Variants in SEMA6A observed in about 807,000 individuals in gnomAD.
SEMA6A encodes semaphorin 6A.
A neutral mutation model predicts 96.8 loss-of-function variants in SEMA6A; 25 were observed. The observed-to-expected ratio is 0.26, with a 90% CI of 0.19 to 0.36. SEMA6A has a LOEUF of 0.36. Among genes scored for constraint, SEMA6A ranks in the 10% least tolerant of loss-of-function variants. The pLI, the probability that SEMA6A is intolerant of heterozygous loss-of-function variation, is 1.00. For synonymous variants in SEMA6A, 612 were observed against 518.0 expected (o/e 1.18, Z -2.46); for missense variants, 1,363 against 1,323.1 (o/e 1.03, Z -0.47).
chr5:116,449,564 G>T, intron 18 of SEMA6A: 1 of 535,392 alleles, frequency 1.9e-6, no homozygotes, highest in South Asian at 2.5e-5. Flanking sequence ...TTTCTGAAGT[G>T]ATGGTTTTAA....
chr5:116,523,494 T>C (rs995341571), intron 1 of SEMA6A, among the ~76,000 whole-genome samples: 1 of 152,128 alleles, frequency 6.6e-6, no homozygotes, highest in Non-Finnish European at 1.5e-5. Context: ...GTATTTTTTG[T>C]AGAGACGGGA....
chr5:116,487,095 C>CAAAA, intron 9 of SEMA6A, 129 bp from the exon 10 acceptor site: 2 of 445,652 alleles, frequency 4.5e-6, no homozygotes, highest in Non-Finnish European at 7.9e-6. Flanking sequence ...AAATCAGTAA[C>CAAAA]AAAAAAAAAA....
In SEMA6A at chr5:116,447,287, C is replaced by A; in HGVS notation, c.2419G>T (p.Ala807Ser). ...PVIPTDLPLR[A>S]SPSHIPSVVV... ...ACGCTGGGGATGTGGCTGGGGGAGG[C>A]CCGCAGGGGCAGGTCCGTGGGAATC... The change falls in exon 19 of 19, where the codon GCC becomes TCC. Residue 807 changes from alanine to serine, a missense_variant. Around this residue, in one of 2 missense-constraint regions of SEMA6A, gnomAD observed 883 missense variants for 763.6 expected, o/e 1.16. Coordinates refer to ENST00000343348, the MANE Select transcript of SEMA6A (RefSeq NM_020796.5). The A allele has an allele frequency of 1.9e-6, 3 of 1,613,746 alleles. No homozygotes were observed. The highest frequency in any genetic ancestry group is 2.5e-6 in the Non-Finnish European group (3 of 1,179,896).
At chr5:116,481,046 C>A (rs1200696945) in intron 11 of SEMA6A, among the ~76,000 whole-genome samples, 1 of 152,118 alleles carries the variant, frequency 6.6e-6, no homozygotes, top group African/African-American at 2.4e-5. Flanking sequence ...TGGACCCTCA[C>A]GACACCAGCA....
intron 18 of SEMA6A, among the ~76,000 whole-genome samples, chr5:116,459,613 G>A (rs1755245173): frequency 6.6e-6 from 1 of 152,064 alleles, no homozygotes; most frequent in Non-Finnish European, 1.5e-5. Context: ...ACTTTATTCA[G>A]CTTGGAATGC....
At chr5:116,525,367 G>C (rs1489785793) in intron 1 of SEMA6A, among the ~76,000 whole-genome samples, 2 of 152,102 alleles carry the variant, frequency 1.3e-5, no homozygotes, top group African/African-American at 4.8e-5. Flanking sequence ...AGGATAAAGA[G>C]CTCCTGGCCC....
intron 1 of SEMA6A, among the ~76,000 whole-genome samples, chr5:116,569,047 G>T (rs1174956099): frequency 6.6e-6 from 1 of 152,234 alleles, no homozygotes; most frequent in African/African-American, 2.4e-5. Context: ...AGGTGCCAGA[G>T]TGAATAAAGC....
chr5:116,481,956 A>T (rs1238166167), intron 11 of SEMA6A, among the ~76,000 whole-genome samples: 3 of 152,080 alleles, frequency 2.0e-5, no homozygotes, highest in Non-Finnish European at 4.4e-5. Flanking sequence ...TACCCGCTGG[A>T]TTCTTCTCAC....
chr5:116,548,228 T>C (rs1451774511), intron 1 of SEMA6A, among the ~76,000 whole-genome samples: 2 of 152,228 alleles, frequency 1.3e-5, no homozygotes, highest in African/African-American at 4.8e-5. Context: ...TTAGTTCTTG[T>C]TTCCAGGGAA....
chr5:116,473,173 AAC>A, intron 16 of SEMA6A, 80 bp from the exon 17 acceptor site: 1 of 1,379,764 alleles, frequency 7.2e-7, no homozygotes, highest in South Asian at 1.3e-5. Flanking sequence ...GGAATGAGCT[AAC>A]ACAGAACTAT....
At chr5:116,534,834 A>T (rs1366116132) in intron 1 of SEMA6A, among the ~76,000 whole-genome samples, 1 of 152,210 alleles carries the variant, frequency 6.6e-6, no homozygotes, top group Admixed American at 6.6e-5. Flanking sequence ...TGAATGAATG[A>T]ACAGATGAAG....
At chr5:116,492,146 CTG>C (rs1262006349) in intron 6 of SEMA6A, among the ~76,000 whole-genome samples, 2 of 152,080 alleles carry the variant, frequency 1.3e-5, no homozygotes, top group African/African-American at 4.8e-5. Context: ...CTGACAGACT[CTG>C]TGGTCTGTGG....
intron 2 of SEMA6A, chr5:116,502,794 G>C (rs573330993): frequency 1.3e-5 from 2 of 156,106 alleles, no homozygotes; most frequent in East Asian, 1.9e-4. Context: ...CCTTGTCCAG[G>C]AGCCAGAAGA....
intron 18 of SEMA6A, among the ~76,000 whole-genome samples, chr5:116,459,511 C>T (rs1285100025): frequency 6.6e-6 from 1 of 152,076 alleles, no homozygotes; most frequent in Admixed American, 6.5e-5. Flanking sequence ...TCTCATTTCC[C>T]ATTCTAGTCG....
intron 18 of SEMA6A, among the ~76,000 whole-genome samples, chr5:116,464,101 G>A (rs1755579216): frequency 6.6e-6 from 1 of 152,200 alleles, no homozygotes; most frequent in South Asian, 2.1e-4. Context: ...GAATAAGCCA[G>A]ATCTAAAAAT....
At chr5:116,527,195 T>A (rs1210362261) in intron 1 of SEMA6A, among the ~76,000 whole-genome samples, 1 of 152,100 alleles carries the variant, frequency 6.6e-6, no homozygotes, top group Non-Finnish European at 1.5e-5. Context: ...AAAATATCAA[T>A]TCAAACACAA....
chr5:116,519,197 T>A (rs914994227), intron 1 of SEMA6A, among the ~76,000 whole-genome samples: 1 of 152,132 alleles, frequency 6.6e-6, no homozygotes, highest in Non-Finnish European at 1.5e-5. Flanking sequence ...GGAACACTGC[T>A]CCACTATTTG....
At chr5:116,518,607 GAC>G (rs1405239166) in intron 1 of SEMA6A, among the ~76,000 whole-genome samples, 5 of 152,226 alleles carry the variant, frequency 3.3e-5, no homozygotes, top group Non-Finnish European at 5.9e-5. Flanking sequence ...GTGAGTGTGA[GAC>G]ACACACCCAG....
At chr5:116,564,808 T>G (rs1760963152) in intron 1 of SEMA6A, among the ~76,000 whole-genome samples, 1 of 152,334 alleles carries the variant, frequency 6.6e-6, no homozygotes, top group South Asian at 2.1e-4. Context: ...CCAAAATGTA[T>G]GAGCCTTTTG....
Sources: gnomAD v4.1 joint callset for allele counts (sites outside exome capture counted in the v4.1 genomes callset) on GRCh38, gnomAD v4.1.1 for gene constraint, gnomAD v4.1.1 regional missense constraint, MANE v1.5 for transcripts, NCBI Gene and HGNC (gene_info 2026-07-23, HGNC 2026-07-21) for gene names.